PLEKHA3: variants seen among roughly 807,000 people sequenced by gnomAD.
PLEKHA3 encodes pleckstrin homology domain-containing family A member 3.
Under a neutral mutation model 39.2 loss-of-function variants are expected in PLEKHA3, and 19 were observed. That is an observed-to-expected ratio of 0.48 (90% CI 0.34 to 0.71). The LOEUF (loss-of-function observed/expected upper bound fraction) is 0.71, where lower values mean the gene tolerates loss of function less well. Among genes scored for constraint, PLEKHA3 ranks in the 30% least tolerant of loss-of-function variants. The pLI, the probability that PLEKHA3 is intolerant of heterozygous loss-of-function variation, is 0.01. For missense variants in PLEKHA3, 253 were observed against 359.5 expected, an observed-to-expected ratio of 0.70 and a Z score of 2.40; for synonymous variants, 97 against 118.6, an observed-to-expected ratio of 0.82 and a Z score of 1.18.
intron 1 of PLEKHA3, among the ~76,000 whole-genome samples, chr2:178,483,654 A>T (rs1685207483): frequency 1.3e-5 from 2 of 152,168 alleles, no homozygotes; most frequent in Non-Finnish European, 2.9e-5. Flanking sequence ...ATGTATTTTC[A>T]CCACCCCCTG....
chr2:178,489,426 G>T (rs1360916283), intron 2 of PLEKHA3, among the ~76,000 whole-genome samples: 1 of 145,638 alleles, frequency 6.9e-6, no homozygotes, highest in Non-Finnish European at 1.5e-5. Context: ...TCATGAATAT[G>T]AATTTGTTTT....
At chr2:178,493,096 G>A (rs1053798466) in intron 3 of PLEKHA3, among the ~76,000 whole-genome samples, 2 of 152,298 alleles carry the variant, frequency 1.3e-5, no homozygotes, top group African/African-American at 4.8e-5. Flanking sequence ...GGAGTGTGGA[G>A]AAGCACCAGA....
At position 178,513,725 on chromosome 2, in the gene PLEKHA3, G is replaced by C. The variant is rs561355126; in HGVS notation, c.*9838G>C. 6.6e-6 allele frequency: 1 copy of C among 151,160 alleles called. No individual in the cohort carries two copies. Among genetic ancestry groups the C allele is most frequent in the Non-Finnish European group, 1.5e-5 (1 of 67,848 alleles). The allele number at this position is 151,160 out of a possible 1,614,324, so 9.4% of individuals were successfully genotyped here. ...TTTGCTGTAGAAGTTACCACTACTT[G>C]GTCAAAATAGAGAGTTGTGGGTTTT... is the stretch of plus-strand genomic sequence containing the variant. On this transcript the variant is annotated 3_prime_UTR_variant, in exon 8 of 8. Transcript: ENST00000234453.
intron 5 of PLEKHA3, 60 bp from the exon 6 acceptor site, chr2:178,499,151 C>T: frequency 1.4e-6 from 2 of 1,468,632 alleles, no homozygotes; most frequent in Non-Finnish European, 9.3e-7. Context: ...ATTAGAGCTG[C>T]ATGATTCTAC....
rs1193347520 is a variant in PLEKHA3 at position 178,504,109 on chromosome 2, G to T, written c.*222G>T. On this transcript the variant is annotated 3_prime_UTR_variant, in exon 8 of 8. Transcript: ENST00000234453. ...CCTAATAACTTCACAGTATGAATGT[G>T]CATCTTTTTTTTTTGAACAAATGAT... is the stretch of plus-strand genomic sequence containing the variant. 1.1e-5 allele frequency: 4 copies of T among 355,474 alleles called. No homozygotes were observed. The highest frequency in any genetic ancestry group is 2.1e-5 in the African/African-American group (1 of 48,044). The allele number at this position is 355,474 out of a possible 1,614,324, so 22.0% of individuals were successfully genotyped here. A position where few individuals can be genotyped will look rare whatever the true frequency, so the allele number is the denominator to read the frequency against.
chr2:178,486,060 T>A (rs1487275384), intron 2 of PLEKHA3, among the ~76,000 whole-genome samples: 2 of 152,252 alleles, frequency 1.3e-5, no homozygotes, highest in Non-Finnish European at 2.9e-5. Flanking sequence ...ATAAGCATTC[T>A]ATTTCATTAT....
At chr2:178,484,874 G>A (rs1302742488) in intron 1 of PLEKHA3, among the ~76,000 whole-genome samples, 2 of 152,212 alleles carry the variant, frequency 1.3e-5, no homozygotes, top group Non-Finnish European at 2.9e-5. Flanking sequence ...CCAAGTCTGT[G>A]ATAGATGTGA....
Position 178,480,702 on chromosome 2 carries a change from C to T in PLEKHA3, c.-168C>T, listed in dbSNP as rs1685143208. 4.7e-6 allele frequency: 2 copies of T among 426,918 alleles called. No homozygotes were observed. Among genetic ancestry groups the T allele is most frequent in the African/African-American group, 4.2e-5 (2 of 47,954 alleles). 26.4% of individuals were successfully genotyped at this position (426,918 alleles called of 1,614,324 possible). ...AAGCTCCACGCTGCGCCCGCTGTCC[C>T]GGCCTCTAAAGGCCGCCACGTCCCT... On this transcript the variant is annotated 5_prime_UTR_variant, in exon 1 of 8. Coordinates refer to ENST00000234453, the MANE Select transcript of PLEKHA3 (RefSeq NM_019091.4).
chr2:178,495,839 G>C (rs1685434428), intron 5 of PLEKHA3, among the ~76,000 whole-genome samples, 179 bp downstream of exon 5: 1 of 152,208 alleles, frequency 6.6e-6, no homozygotes, highest in Admixed American at 6.5e-5. Context: ...GATGAGCTGA[G>C]CACTTGTGCT....
chr2:178,513,964 C>A lies in PLEKHA3; in HGVS notation c.*10077C>A, dbSNP rs986760728. On this transcript the variant is annotated 3_prime_UTR_variant, in exon 8 of 8. Coordinates refer to ENST00000234453, the MANE Select transcript of PLEKHA3 (RefSeq NM_019091.4). ...TGGTATTTGTGGTCGCTAGGGGTTGCTGGGTTATCCAAGTGATTCAGCATG... is the reference window on the plus strand; with the variant it reads ...TGGTATTTGTGGTCGCTAGGGGTTGATGGGTTATCCAAGTGATTCAGCATG... The A allele has an allele frequency of 1.3e-5, 2 of 152,112 alleles. No individual in the cohort carries two copies. The highest frequency in any genetic ancestry group is 2.4e-5 in the African/African-American group (1 of 41,418). 9.4% of individuals were successfully genotyped at this position (152,112 alleles called of 1,614,324 possible). A position where few individuals can be genotyped will look rare whatever the true frequency, so the allele number is the denominator to read the frequency against.
intron 6 of PLEKHA3, among the ~76,000 whole-genome samples, chr2:178,500,728 A>C (rs1312272665): frequency 6.6e-6 from 1 of 152,110 alleles, no homozygotes. Flanking sequence ...CTTAAAATAC[A>C]TGCATTCATG....
chr2:178,507,703 T>A lies in PLEKHA3; in HGVS notation c.*3816T>A, dbSNP rs1685626445. 1.7e-5 allele frequency: 2 copies of A among 117,684 alleles called. No homozygotes were observed. The highest frequency in any genetic ancestry group is 2.9e-4 in the East Asian group (1 of 3,468). 7.3% of individuals were successfully genotyped at this position (117,684 alleles called of 1,614,324 possible). ...TTTTTTTTTTTTTTTTTGGCAAAGC[T>A]CCTCCACCAGTAACTTCCTAAGAAA... On this transcript the variant is annotated 3_prime_UTR_variant, in exon 8 of 8. Coordinates refer to ENST00000234453, the MANE Select transcript of PLEKHA3 (RefSeq NM_019091.4).
At chr2:178,488,714 AT>A (rs1685297068) in intron 2 of PLEKHA3, among the ~76,000 whole-genome samples, 2 of 152,224 alleles carry the variant, frequency 1.3e-5, no homozygotes, top group Non-Finnish European at 2.9e-5. Context: ...AGCCCTTTGC[AT>A]TTCCTTACAG....
Position 178,503,907 on chromosome 2 carries a change from T to C in PLEKHA3, c.*20T>C, listed in dbSNP as rs761379865. On this transcript the variant is annotated 3_prime_UTR_variant, in exon 8 of 8. Transcript: ENST00000234453. Reference sequence around the variant, plus strand: ...TCCTGAAGAAACTGAAGTGTCCAACTTCCTCTAAGTATTGCTATGCAAAAG... The same window carrying C: ...TCCTGAAGAAACTGAAGTGTCCAACCTCCTCTAAGTATTGCTATGCAAAAG... 1 of 1,609,846 alleles carries C rather than the reference T, an allele frequency of 6.2e-7. No individual in the cohort carries two copies. The highest frequency in any genetic ancestry group is 2.2e-5 in the East Asian group (1 of 44,738).
chr2:178,502,284 A>G (rs1685538108), intron 7 of PLEKHA3: 1 of 203,288 alleles, frequency 4.9e-6, no homozygotes, highest in African/African-American at 2.5e-5. Flanking sequence ...TCATCTATTT[A>G]TTAATATATG....
rs778712133 is a variant in PLEKHA3, at chr2:178,512,733, C to A, written c.*8846C>A. The A allele has an allele frequency of 1.3e-5, 2 of 153,754 alleles. No individual in the cohort carries two copies. The highest frequency in any genetic ancestry group is 2.9e-5 in the Non-Finnish European group (2 of 68,034). The allele number at this position is 153,754 out of a possible 1,614,324, so 9.5% of individuals were successfully genotyped here. A position where few individuals can be genotyped will look rare whatever the true frequency, so the allele number is the denominator to read the frequency against. ...AAGGAGATGTTCTAGGAAAACTTTT[C>A]AGTCCCGCTCAGTGCTGCCATCTTT... is the stretch of plus-strand genomic sequence containing the variant. On this transcript the variant is annotated 3_prime_UTR_variant, in exon 8 of 8. Transcript: ENST00000234453.
chr2:178,507,782 C>A lies in PLEKHA3; in HGVS notation c.*3895C>A, dbSNP rs1433349444. ...CTTTACAGGTCTGAAAATGTCTCTA[C>A]TCTTGATTGGTAGTTTGGAGTCTGG... On this transcript the variant is annotated 3_prime_UTR_variant, in exon 8 of 8. Coordinates refer to ENST00000234453, the MANE Select transcript of PLEKHA3 (RefSeq NM_019091.4). 3 of 143,380 alleles carry A rather than the reference C, an allele frequency of 2.1e-5. No individual in the cohort carries two copies. Among genetic ancestry groups the A allele is most frequent in the Non-Finnish European group, 3.0e-5 (2 of 66,330 alleles). The allele number at this position is 143,380 out of a possible 1,614,324, so 8.9% of individuals were successfully genotyped here. A position where few individuals can be genotyped will look rare whatever the true frequency, so the allele number is the denominator to read the frequency against.
rs1055097064 is a variant in PLEKHA3 at position 178,512,552 on chromosome 2, T to C, written c.*8665T>C. The C allele has an allele frequency of 6.6e-6, 1 of 152,648 alleles. No individual in the cohort carries two copies. The highest frequency in any genetic ancestry group is 1.5e-5 in the Non-Finnish European group (1 of 68,036). The allele number at this position is 152,648 out of a possible 1,614,324, so 9.5% of individuals were successfully genotyped here. On this transcript the variant is annotated 3_prime_UTR_variant, in exon 8 of 8. Transcript: ENST00000234453. ...AAGTATATTGCCAGATCTGGCAGCA[T>C]GGGGACAATTAGGAACAAAGGAGAG...
At chr2:178,488,968 G>A in intron 2 of PLEKHA3, 1 of 459,660 alleles carries the variant, frequency 2.2e-6, no homozygotes, top group South Asian at 1.6e-5. Context: ...GCCTTTTCAG[G>A]TGACAACTTT....
Sources: gnomAD v4.1 joint callset for allele counts (sites outside exome capture counted in the v4.1 genomes callset) on GRCh38, gnomAD v4.1.1 for gene constraint, MANE v1.5 for transcripts, NCBI Gene and HGNC (gene_info 2026-07-23, HGNC 2026-07-21) for gene names.